RNF19A: variants seen among roughly 807,000 people sequenced by gnomAD.
RNF19A encodes ring finger protein 19A, RBR E3 ubiquitin protein ligase, also known as E3 ubiquitin-protein ligase RNF19A.
Under a neutral mutation model 75.7 loss-of-function variants are expected in RNF19A, and 32 were observed. The observed-to-expected ratio is 0.42, with a 90% CI of 0.32 to 0.57. RNF19A has a LOEUF of 0.57. Ranked by LOEUF, RNF19A falls within the 20% of genes least tolerant of loss-of-function variation. RNF19A has a pLI of 0.10. For synonymous variants in RNF19A, 335 were observed against 345.2 expected, an observed-to-expected ratio of 0.97 and a Z score of 0.33; for missense variants, 782 against 1,036.3, an observed-to-expected ratio of 0.75 and a Z score of 3.37.
upstream of RNF19A, among the ~76,000 whole-genome samples, chr8:100,312,098 G>C (rs376583936): frequency 3.3e-5 from 5 of 152,134 alleles, no homozygotes; most frequent in South Asian, 1.0e-3. Context: ...ATTGTTCCCA[G>C]GCCCCATTCT....
chr8:100,309,703 T>C (rs548404387), intron 1 of RNF19A, among the ~76,000 whole-genome samples, 164 bp downstream of exon 1: 35 of 152,282 alleles, frequency 2.3e-4, no homozygotes, highest in South Asian at 8.3e-4. Flanking sequence ...GAGCCCACGC[T>C]GGACACTGGA....
chr8:100,273,717 C>G (rs1042908074), intron 3 of RNF19A, among the ~76,000 whole-genome samples: 1 of 152,148 alleles, frequency 6.6e-6, no homozygotes, highest in African/African-American at 2.4e-5. Context: ...AAAGCACTTA[C>G]TATGAGCCAG....
rs1295598884 is a variant in RNF19A, at chr8:100,259,130, C to G, written c.1943G>C (p.Gly648Ala). 1.9e-6 allele frequency: 3 copies of G among 1,614,220 alleles called. No homozygotes were observed. The highest frequency in any genetic ancestry group is 2.5e-6 in the Non-Finnish European group (3 of 1,180,034). ...ACCTTCAGGCAAGCCACTGGATGAA[C>G]CGCCAGCATGACTTCGGGTGGCACT... is the stretch of plus-strand genomic sequence containing the variant. ...DGSATRSHAG[G>A]SSSGLPEGKS... The change falls in exon 10 of 10, where the codon GGT (glycine) becomes GCT (alanine). Residue 648 changes from glycine (G) to alanine (A), a missense_variant. Physicochemically the swap from Gly to Ala is moderately conservative, Grantham distance 60. Around this residue, in one of 7 missense-constraint regions of RNF19A, gnomAD observed 442 missense variants for 541.6 expected, o/e 0.82. Transcript: ENST00000341084. The surrounding 1 kb of genome is among the most constrained non-coding windows in gnomAD (Gnocchi z 4.5).
chr8:100,283,641 C>G (rs1377280994), intron 2 of RNF19A, among the ~76,000 whole-genome samples: 2 of 152,196 alleles, frequency 1.3e-5, no homozygotes, highest in Non-Finnish European at 2.9e-5. Flanking sequence ...GAACTCTTTT[C>G]TACTCTGTGG....
intron 2 of RNF19A, among the ~76,000 whole-genome samples, chr8:100,279,594 C>A (rs1327853202): frequency 6.6e-6 from 1 of 152,138 alleles, no homozygotes; most frequent in East Asian, 1.9e-4. Flanking sequence ...ACTCTGTTGC[C>A]CAGGCTGGAG....
At position 100,258,483 on chromosome 8, in the gene RNF19A, A is replaced by G; in HGVS notation, c.*73T>C. ...GGCTTTTGCTGGTAACCTGAAACTT[A>G]AGTAGTCACATGTAGTTCAACCAGC... On this transcript the variant is annotated 3_prime_UTR_variant, in exon 10 of 10. Transcript: ENST00000341084. The surrounding 1 kb of genome is among the most constrained non-coding windows in gnomAD (Gnocchi z 4.3). 1 of 1,231,504 alleles carries G rather than the reference A, an allele frequency of 8.1e-7. No homozygotes were observed. The highest frequency in any genetic ancestry group is 1.1e-6 in the Non-Finnish European group (1 of 875,474). The allele number at this position is 1,231,504 out of a possible 1,614,324, so 76.3% of individuals were successfully genotyped here. A position where few individuals can be genotyped will look rare whatever the true frequency, so the allele number is the denominator to read the frequency against.
In RNF19A at chr8:100,264,900, G is replaced by T; in HGVS notation, c.1192-115C>A. ...ATTTTTCATAGAAGTTCGTAGCTGA[G>T]TATCTTAGTTCAAGGTAAACCTACT... On this transcript the variant is annotated intron_variant, in intron 5 of 9. Transcript: ENST00000341084. This position sits in a 1 kb window ranked among gnomAD's most constrained non-coding sequence, Gnocchi z 4.7. The T allele has an allele frequency of 1.4e-6, 1 of 733,146 alleles. No homozygotes were observed. The highest frequency in any genetic ancestry group is 2.3e-6 in the Non-Finnish European group (1 of 430,954). The allele number at this position is 733,146 out of a possible 1,614,324, so 45.4% of individuals were successfully genotyped here. A position where few individuals can be genotyped will look rare whatever the true frequency, so the allele number is the denominator to read the frequency against.
rs1206421757 is a variant in RNF19A, at chr8:100,258,202, T to C, written c.*354A>G. The stretch of plus-strand genomic sequence containing the variant: ...CACTTATCCCTAAAGCCTCAAGTTT[T>C]CTTCATTTGAATGCTGTAGAATTGC... On this transcript the variant is annotated 3_prime_UTR_variant, in exon 10 of 10. Transcript: ENST00000341084. The surrounding 1 kb of genome is among the most constrained non-coding windows in gnomAD (Gnocchi z 4.3). 2.4e-6 allele frequency: 1 copy of C among 409,362 alleles called. No homozygotes were observed. The highest frequency in any genetic ancestry group is 4.3e-6 in the Non-Finnish European group (1 of 233,128). The allele number at this position is 409,362 out of a possible 1,614,324, so 25.4% of individuals were successfully genotyped here.
rs188626001 is a variant in RNF19A, at chr8:100,287,130, T to G, written c.674+371A>C. The stretch of plus-strand genomic sequence containing the variant: ...AGAGAAAAAAAATAAAGAAGGTCAT[T>G]TGAATTTATGACCACAAATAACCCC... On this transcript the variant is annotated intron_variant, in intron 2 of 9. Coordinates refer to ENST00000341084, the MANE Select transcript of RNF19A (RefSeq NM_183419.4). This position sits in a 1 kb window ranked among gnomAD's most constrained non-coding sequence, Gnocchi z 4.1. Among the ~76,000 whole-genome samples the G allele has an allele frequency of 1.3e-5, 2 of 152,246 alleles. No individual in the cohort carries two copies. Among genetic ancestry groups the G allele is most frequent in the Admixed American group, 1.3e-4 (2 of 15,286 alleles).
chr8:100,315,626 T>C (rs762719762), intron 1 of RNF19A, among the ~76,000 whole-genome samples: 3 of 152,190 alleles, frequency 2.0e-5, no homozygotes, highest in Admixed American at 6.5e-5. Flanking sequence ...AGCAGGGTCA[T>C]GGAAATTTTT....
chr8:100,290,400 C>A (rs1264766733), intron 1 of RNF19A, among the ~76,000 whole-genome samples: 1 of 152,208 alleles, frequency 6.6e-6, no homozygotes, highest in Non-Finnish European at 1.5e-5. Flanking sequence ...CAGTGCCCAG[C>A]CAAACTTTCT....
rs1819934341 is a variant in RNF19A at position 100,265,597 on chromosome 8, C to A, written c.1192-812G>T. Among the ~76,000 whole-genome samples the A allele has an allele frequency of 2.0e-5, 3 of 152,126 alleles. 1 individual carries two copies. The South Asian group carries it at 6.2e-4, about 31-fold the overall frequency. Reference sequence around the variant, plus strand: ...TGTTCCAAAACAAATTCAAAACAGCCTCAAAAGTATGGGGACTCTCTAAAA... The same window carrying A: ...TGTTCCAAAACAAATTCAAAACAGCATCAAAAGTATGGGGACTCTCTAAAA... On this transcript the variant is annotated intron_variant, in intron 5 of 9. Coordinates refer to ENST00000341084, the MANE Select transcript of RNF19A (RefSeq NM_183419.4).
rs1365582430 is a variant in RNF19A, at chr8:100,329,427, CA to C, written c.-243+6680del. ...ATGAGTGAGTTGTGATACAGTGCTG[CA>C]AAAACAAAACAAAACAAAACAAACA... On this transcript the variant is annotated intron_variant, in intron 1 of 3. Coordinates refer to the RNF19A transcript ENST00000519527. The surrounding 1 kb of genome is among the most constrained non-coding windows in gnomAD (Gnocchi z 4.3). 6.6e-6 allele frequency among the ~76,000 whole-genome samples: 1 copy of C among 151,746 alleles called. No individual in the cohort carries two copies. Among genetic ancestry groups the C allele is most frequent in the African/African-American group, 2.4e-5 (1 of 41,242 alleles).
rs368393150 is a variant in RNF19A, at chr8:100,271,266, A to G, written c.884-1253T>C. On this transcript the variant is annotated intron_variant, in intron 3 of 9. Coordinates refer to ENST00000341084, the MANE Select transcript of RNF19A (RefSeq NM_183419.4). Reference sequence around the variant, plus strand: ...TACTCTAAGCAGCCAGACCAGGACAATTGATAATTACTAGAATATAAAAAT... The same window carrying G: ...TACTCTAAGCAGCCAGACCAGGACAGTTGATAATTACTAGAATATAAAAAT... Among the ~76,000 whole-genome samples the G allele has an allele frequency of 7.2e-5, 11 of 152,222 alleles. No individual in the cohort carries two copies. In the East Asian group the frequency reaches 1.9e-3, roughly 27 times the overall value.
In RNF19A at chr8:100,269,997, T is replaced by G. The variant is rs774486622; in HGVS notation, c.900A>C (p.Pro300=). The change falls in exon 4 of 10, where the codon CCA becomes CCC. Residue 300 remains proline, a synonymous_variant. Coordinates refer to ENST00000341084, the MANE Select transcript of RNF19A (RefSeq NM_183419.4). The surrounding 1 kb of genome is among the most constrained non-coding windows in gnomAD (Gnocchi z 5.7). ...TTATATAAGCAGCACATCGTGGACATGGCTTTATATCATCAGCTATTGGGA... is the reference window on the plus strand; with the variant it reads ...TTATATAAGCAGCACATCGTGGACAGGGCTTTATATCATCAGCTATTGGGA... ...ESGAAADDIK[P]CPRCAAYIIK... 6.3e-7 allele frequency: 1 copy of G among 1,594,204 alleles called. No individual in the cohort carries two copies. The highest frequency in any genetic ancestry group is 1.1e-5 in the South Asian group (1 of 87,192).
rs889019820 is a variant in RNF19A at position 100,323,207 on chromosome 8, G to A, written c.-242-9835C>T. 3.3e-5 allele frequency among the ~76,000 whole-genome samples: 5 copies of A among 152,132 alleles called. No homozygotes were observed. Among genetic ancestry groups the A allele is most frequent in the Non-Finnish European group, 5.9e-5 (4 of 68,036 alleles). ...ACCCAGAGTGTTATTTTAAGATGAT[G>A]GGATATAGGACTCAATGGTTTTTAT... On this transcript the variant is annotated intron_variant, in intron 1 of 3. Transcript: ENST00000519527. This position sits in a 1 kb window ranked among gnomAD's most constrained non-coding sequence, Gnocchi z 4.6.
In RNF19A at chr8:100,269,031, T is replaced by G; in HGVS notation, c.1029-84A>C. 3 of 1,103,362 alleles carry G rather than the reference T, an allele frequency of 2.7e-6. No individual in the cohort carries two copies. The highest frequency in any genetic ancestry group is 3.7e-6 in the Non-Finnish European group (3 of 813,928). The allele number at this position is 1,103,362 out of a possible 1,614,324, so 68.3% of individuals were successfully genotyped here. A position where few individuals can be genotyped will look rare whatever the true frequency, so the allele number is the denominator to read the frequency against. On this transcript the variant is annotated intron_variant, in intron 4 of 9. Coordinates refer to ENST00000341084, the MANE Select transcript of RNF19A (RefSeq NM_183419.4). This position sits in a 1 kb window ranked among gnomAD's most constrained non-coding sequence, Gnocchi z 5.7. ...TGCACTATATTAAAACAATGACTAT[T>G]TTTAAAAACTTCTCATAGTTAGGAG... is the stretch of plus-strand genomic sequence containing the variant.
At position 100,264,105 on chromosome 8, in the gene RNF19A, T is replaced by C. The variant is rs1256623566; in HGVS notation, c.1397A>G (p.Asn466Ser). 3 of 1,613,866 alleles carry C rather than the reference T, an allele frequency of 1.9e-6. No homozygotes were observed. The highest frequency in any genetic ancestry group is 2.5e-6 in the Non-Finnish European group (3 of 1,179,812). The change falls in exon 7 of 10, where the codon AAT becomes AGT. Residue 466 changes from asparagine (N) to serine (S), a missense_variant. Asn to Ser is a conservative substitution (Grantham distance 46). Transcript: ENST00000341084. The surrounding 1 kb of genome is among the most constrained non-coding windows in gnomAD (Gnocchi z 4.7). Reference sequence around the variant, plus strand: ...AAATTCAATCCTAACTCCTTTTCCATTGCCTGCTGAGACTCCACAACCTCC... The same window carrying C: ...AAATTCAATCCTAACTCCTTTTCCACTGCCTGCTGAGACTCCACAACCTCC... ...RSGGCGVSAG[N>S]GKGVRIEFDD... is the part of the protein sequence containing the mutation.
At position 100,333,799 on chromosome 8, in the gene RNF19A, T is replaced by C. The variant is rs773457217; in HGVS notation, c.-243+2309A>G. ...TGCCACTGCACTCCAGCCTGGGCAA[T>C]AGAGTGACACCCTGTCTGTAAACAA... On this transcript the variant is annotated intron_variant, in intron 1 of 3. Coordinates refer to the RNF19A transcript ENST00000519527. This position sits in a 1 kb window ranked among gnomAD's most constrained non-coding sequence, Gnocchi z 4.7. Among the ~76,000 whole-genome samples the C allele has an allele frequency of 1.3e-5, 2 of 152,156 alleles. No individual in the cohort carries two copies. The highest frequency in any genetic ancestry group is 4.8e-5 in the African/African-American group (2 of 41,434).
Sources: allele counts gnomAD v4.1 joint callset (sites outside exome capture counted in the v4.1 genomes callset), GRCh38; gene constraint gnomAD v4.1.1; regional missense constraint gnomAD v4.1.1; non-coding constraint Gnocchi (gnomAD v3.1); transcripts MANE v1.5; gene names NCBI Gene and HGNC (gene_info 2026-07-23, HGNC 2026-07-21).